VPS13C: variants seen among roughly 807,000 people sequenced by gnomAD.
VPS13C encodes vacuolar protein sorting 13 homolog C.
A neutral mutation model predicts 456.8 loss-of-function variants in VPS13C; 358 were observed. The ratio of observed to expected loss-of-function variants is 0.78; its 90% CI spans 0.72 to 0.86. VPS13C has a LOEUF of 0.86. VPS13C is among the 40% of genes least tolerant of loss of function. The pLI is 0.00. For synonymous variants in VPS13C, 1,578 were observed against 1,486.7 expected (o/e 1.06, Z -1.41); for missense variants, 4,818 against 4,385.4 (o/e 1.10, Z -2.79).
At chr15:61,961,981 CT>C (rs912569091) in intron 34 of VPS13C, 88 bp from the exon 35 acceptor site, 171 of 1,387,572 alleles carry the variant, frequency 1.2e-4, no homozygotes, top group Middle Eastern at 1.8e-4. Flanking sequence ...CATGTGGTAA[CT>C]TTTTTTTTCC....
At chr15:62,009,352 C>G (rs1467416269) in intron 13 of VPS13C, among the ~76,000 whole-genome samples, 1 of 150,304 alleles carries the variant, frequency 6.7e-6, no homozygotes, top group East Asian at 1.9e-4. Flanking sequence ...AACATGAAAG[C>G]AGAGAAGATT....
rs1239850406 is a variant in VPS13C at position 61,961,635 on chromosome 15, C to T, written c.3862G>A (p.Val1288Ile). 3.1e-6 allele frequency: 5 copies of T among 1,612,454 alleles called. No homozygotes were observed. The highest frequency in any genetic ancestry group is 4.2e-6 in the Non-Finnish European group (5 of 1,179,202). ...AGCTGCACATCCATTCTATCAATTA[C>T]TGGAGGATTTAAGTAGTCTTCATCA... Reference protein sequence around the residue: ...VSDEDYLNPPVIDRMDVQLTK... With the variant: ...VSDEDYLNPPIIDRMDVQLTK... Residue 1288 changes from valine (V) to isoleucine (I), a missense_variant, in exon 35 of 85, where the codon GTA becomes ATA. Around this residue, in one of 3 missense-constraint regions of VPS13C, gnomAD observed 4,552 missense variants for 4,130.6 expected, o/e 1.10. Coordinates refer to ENST00000644861, the MANE Select transcript of VPS13C (RefSeq NM_020821.3).
chr15:61,891,066 T>G (rs899197271), intron 66 of VPS13C, among the ~76,000 whole-genome samples: 1 of 152,074 alleles, frequency 6.6e-6, no homozygotes. Context: ...AAGAAAGAAA[T>G]GTAACCTCAG....
intron 5 of VPS13C, among the ~76,000 whole-genome samples, chr15:62,028,876 A>G (rs967507148): frequency 1.7e-4 from 26 of 152,162 alleles, no homozygotes; most frequent in East Asian, 9.7e-4. Flanking sequence ...TACATACACT[A>G]TCTGAATCCT....
chr15:61,970,904 G>A (rs1596401144), intron 27 of VPS13C, among the ~76,000 whole-genome samples: 1 of 150,300 alleles, frequency 6.7e-6, no homozygotes, highest in East Asian at 2.0e-4. Context: ...GGAAAAGAGT[G>A]TTCCAGGCAA....
intron 1 of VPS13C, among the ~76,000 whole-genome samples, chr15:62,057,335 CTA>C (rs1414915559): frequency 3.3e-5 from 5 of 152,116 alleles, no homozygotes; most frequent in African/African-American, 1.2e-4. Flanking sequence ...AAAATGTCAC[CTA>C]TTTTATTAAA....
intron 80 of VPS13C, among the ~76,000 whole-genome samples, chr15:61,869,116 C>CTTTTTTTTTTTTTTTTTT (rs68084709): frequency 3.0e-5 from 4 of 131,306 alleles, no homozygotes; most frequent in Admixed American, 7.7e-5. Flanking sequence ...TTTCTTTTTT[C>CTTTTTTTTTTTTTTTTTT]TTTTTTTTTT....
At chr15:61,937,600 G>A (rs375214670) in intron 47 of VPS13C, among the ~76,000 whole-genome samples, 11 of 152,138 alleles carry the variant, frequency 7.2e-5, no homozygotes, top group African/African-American at 2.7e-4. Flanking sequence ...TCAACCTCGT[G>A]AGTAGCTAGA....
chr15:62,035,769 C>T (rs975293536), intron 3 of VPS13C, among the ~76,000 whole-genome samples: 1 of 151,994 alleles, frequency 6.6e-6, no homozygotes, highest in Non-Finnish European at 1.5e-5. Flanking sequence ...AACACATGTT[C>T]TCTCTTGGAA....
intron 1 of VPS13C, among the ~76,000 whole-genome samples, chr15:62,046,714 G>T (rs554101968): frequency 2.0e-5 from 3 of 152,290 alleles, no homozygotes; most frequent in South Asian, 4.1e-4. Flanking sequence ...CTACCATAAT[G>T]TTTGTAAAAA....
intron 68 of VPS13C, among the ~76,000 whole-genome samples, chr15:61,882,977 C>A (rs1895983721): frequency 6.6e-6 from 1 of 151,932 alleles, no homozygotes. Flanking sequence ...TAAAAACATG[C>A]TTTATGTAAA....
At chr15:61,906,934 T>C (rs1296283516) in intron 66 of VPS13C, 2 of 235,796 alleles carry the variant, frequency 8.5e-6, no homozygotes, top group African/African-American at 4.6e-5. Context: ...TAGCCAAAAG[T>C]GGCATAGGTA....
chr15:61,891,050 A>AAAAG (rs750190305), intron 66 of VPS13C, among the ~76,000 whole-genome samples: 1 of 152,212 alleles, frequency 6.6e-6, no homozygotes, highest in African/African-American at 2.4e-5. Flanking sequence ...TCCATCTCAA[A>AAAAG]AAAGAAAGAA....
At chr15:61,978,335 A>G (rs1281884572) in intron 23 of VPS13C, among the ~76,000 whole-genome samples, 1 of 152,152 alleles carries the variant, frequency 6.6e-6, no homozygotes, top group African/African-American at 2.4e-5. Flanking sequence ...TGCAACTTCC[A>G]TTTTGTGTTC....
chr15:61,972,060 ACTGT>A (rs1245980014), intron 27 of VPS13C, among the ~76,000 whole-genome samples: 2 of 152,198 alleles, frequency 1.3e-5, no homozygotes, highest in African/African-American at 2.4e-5. Flanking sequence ...AGAGATGAAC[ACTGT>A]CTGTCATTTA....
chr15:62,041,027 T>A (rs776025664), intron 3 of VPS13C, among the ~76,000 whole-genome samples: 4 of 152,148 alleles, frequency 2.6e-5, no homozygotes, highest in Non-Finnish European at 5.9e-5. Flanking sequence ...AAAAAGCACA[T>A]AAAACTTGGA....
chr15:61,958,861 A>G (rs1223201073), intron 36 of VPS13C, 145 bp from the exon 37 acceptor site: 1 of 465,840 alleles, frequency 2.1e-6, no homozygotes, highest in Non-Finnish European at 3.7e-6. Context: ...AACTCACTTA[A>G]GTATTGCACT....
rs761075287 is a variant in VPS13C, at chr15:61,972,682, A to T, written c.2700T>A (p.Ala900=). 6.2e-7 allele frequency: 1 copy of T among 1,613,556 alleles called. No individual in the cohort carries two copies. Among genetic ancestry groups the T allele is most frequent in the Admixed American group, 1.7e-5 (1 of 60,004 alleles). The change falls in exon 27 of 85, where the codon GCT becomes GCA. Residue 900 remains alanine, a synonymous_variant. Coordinates refer to ENST00000644861, the MANE Select transcript of VPS13C (RefSeq NM_020821.3). ...KSMKGSELKK[A]AEVPNEELIN... is the part of the protein sequence containing the mutation. ...TGAGCTCCTCATTTGGGACCTCTGC[A>T]GCTTTTTTAAGTTCTGATCCTTTCA...
chr15:61,981,429 A>G lies in VPS13C; in HGVS notation c.2079T>C (p.Asn693=), dbSNP rs2045883390. The change falls in exon 22 of 85, where the codon AAT becomes AAC. Residue 693 remains asparagine, a synonymous_variant. Coordinates refer to ENST00000644861, the MANE Select transcript of VPS13C (RefSeq NM_020821.3). The part of the protein sequence containing the change: ...ETRKVLDLRI[N]LKPSYLVVPQ... ...GAACTACTAGATAAGAAGGCTTCAG[A>G]TTTATCCTTAAATCAAGGACTTTTC... is the stretch of plus-strand genomic sequence containing the variant. The G allele has an allele frequency of 6.2e-7, 1 of 1,612,486 alleles. No individual in the cohort carries two copies. Among genetic ancestry groups the G allele is most frequent in the African/African-American group, 1.3e-5 (1 of 74,814 alleles).
Sources: allele counts gnomAD v4.1 joint callset (sites outside exome capture counted in the v4.1 genomes callset), GRCh38; gene constraint gnomAD v4.1.1; regional missense constraint gnomAD v4.1.1; transcripts MANE v1.5; gene names NCBI Gene and HGNC (gene_info 2026-07-23, HGNC 2026-07-21).